The following ATP6V0A4 variants were observed in gnomAD, a reference collection of about 807,000 sequenced individuals.
ATP6V0A4 encodes V-type proton ATPase 116 kDa subunit a 4.
A neutral mutation model predicts 107.3 loss-of-function variants in ATP6V0A4; 86 were observed. That is an observed-to-expected ratio of 0.80 (90% confidence interval 0.67 to 0.96). The LOEUF is 0.96. Among genes scored for constraint, ATP6V0A4 ranks in the 40% least tolerant of loss-of-function variants. The probability of loss-of-function intolerance (pLI) is 0.00; values close to 1 mark genes in which losing one functional copy is unlikely to be tolerated. For missense variants in ATP6V0A4, 908 were observed against 1,045.6 expected (o/e 0.87, Z 1.81); for synonymous variants, 353 against 381.4 (o/e 0.93, Z 0.87).
chr7:138,747,619 A>G, intron 12 of ATP6V0A4, 55 bp from the exon 13 acceptor site: 1 of 1,599,508 alleles, frequency 6.3e-7, no homozygotes, highest in Non-Finnish European at 8.5e-7. Context: ...CGGGGCCCCC[A>G]CCTCAGATTC....
intron 2 of ATP6V0A4, among the ~76,000 whole-genome samples, chr7:138,776,702 C>T (rs1156234875): frequency 6.6e-6 from 1 of 152,166 alleles, no homozygotes; most frequent in Non-Finnish European, 1.5e-5. Context: ...GAAAAGAGTA[C>T]ACGTACCTAA....
At chr7:138,729,329 A>C (rs1489716873) in intron 17 of ATP6V0A4, among the ~76,000 whole-genome samples, 1 of 152,138 alleles carries the variant, frequency 6.6e-6, no homozygotes, top group Admixed American at 6.6e-5. Flanking sequence ...GTAATTTTAT[A>C]TTTTGAGTCC....
At chr7:138,783,706 A>G (rs4728446) in intron 2 of ATP6V0A4, among the ~76,000 whole-genome samples, 55,000 of 152,042 alleles carry the variant, frequency 0.36, 11,732 homozygotes, top group South Asian at 0.51. Context: ...AGCCAAGGTG[A>G]CAAGAGTAAG....
At chr7:138,745,658 C>CCAAAAAAAAAAAAAAAAAAAAAAAA in intron 13 of ATP6V0A4, among the ~76,000 whole-genome samples, 1 of 42,758 alleles carries the variant, frequency 2.3e-5, no homozygotes, top group Non-Finnish European at 4.3e-5. Flanking sequence ...GCCTGTGTCT[C>CCAAAAAAAAAAAAAAAAAAAAAAAA]AAAAAAAAAA....
chr7:138,751,336 G>A (rs565916133), intron 11 of ATP6V0A4, among the ~76,000 whole-genome samples: 8 of 152,140 alleles, frequency 5.3e-5, no homozygotes, highest in African/African-American at 1.4e-4. Flanking sequence ...CATGGCGTGC[G>A]GTGTCCTTCT....
At chr7:138,730,482 G>A (rs1473390) in intron 17 of ATP6V0A4, among the ~76,000 whole-genome samples, 20,139 of 151,700 alleles carry the variant, frequency 0.13, 1,736 homozygotes, top group East Asian at 0.31. Context: ...CCGAAATGAG[G>A]TTATGAAAAC....
At chr7:138,777,162 C>G (rs1356091828) in intron 2 of ATP6V0A4, among the ~76,000 whole-genome samples, 1 of 149,984 alleles carries the variant, frequency 6.7e-6, no homozygotes, top group Non-Finnish European at 1.5e-5. Context: ...AAAAAAACAA[C>G]AAAAAAAGTA....
Position 138,774,433 on chromosome 7 carries a change from G to T in ATP6V0A4, c.-17-3169C>A, listed in dbSNP as rs544561809. 5.9e-5 allele frequency among the ~76,000 whole-genome samples: 9 copies of T among 151,650 alleles called. No homozygotes were observed. The South Asian group carries it at 1.3e-3, about 21-fold the overall frequency. On this transcript the variant is annotated intron_variant, in intron 2 of 21. Coordinates refer to ENST00000310018, the MANE Select transcript of ATP6V0A4 (RefSeq NM_020632.3). ...GTCTCTACTAAAAATACGAAAAAAT[G>T]AGCAGAGTGTGGTGGCGGGTGCCTG... is the stretch of plus-strand genomic sequence containing the variant.
At chr7:138,709,819 G>A (rs747795808) in intron 20 of ATP6V0A4, 24 bp from the exon 21 acceptor site, 1 of 1,611,440 alleles carries the variant, frequency 6.2e-7, no homozygotes. Flanking sequence ...GAAACCACTG[G>A]GATTATCTTG....
At chr7:138,740,407 T>C (rs1181088249) in intron 14 of ATP6V0A4, among the ~76,000 whole-genome samples, 1 of 151,372 alleles carries the variant, frequency 6.6e-6, no homozygotes, top group Non-Finnish European at 1.5e-5. Flanking sequence ...AGAATGGATG[T>C]CAATGGGAAG....
intron 1 of ATP6V0A4, among the ~76,000 whole-genome samples, chr7:138,790,014 G>A (rs1414181373): frequency 6.8e-6 from 1 of 147,188 alleles, no homozygotes; most frequent in African/African-American, 2.5e-5. Flanking sequence ...TTTATTTCTT[G>A]ATCATAAAAA....
intron 14 of ATP6V0A4, 81 bp from the exon 15 acceptor site, chr7:138,739,714 T>C: frequency 6.4e-7 from 1 of 1,572,098 alleles, no homozygotes; most frequent in Non-Finnish European, 8.6e-7. Context: ...GTCACGAACT[T>C]GCCCATCAAA....
intron 1 of ATP6V0A4, among the ~76,000 whole-genome samples, chr7:138,789,149 A>G (rs560907117): frequency 1.3e-5 from 2 of 151,668 alleles, no homozygotes; most frequent in South Asian, 2.1e-4. Flanking sequence ...GACCACGAGC[A>G]CTCCAAGAGC....
intron 17 of ATP6V0A4, 44 bp from the exon 18 acceptor site, chr7:138,728,906 G>GAAC: frequency 1.2e-6 from 2 of 1,613,322 alleles, no homozygotes; most frequent in Non-Finnish European, 1.7e-6. Flanking sequence ...TCACATGGCA[G>GAAC]AACAGCACAC....
chr7:138,791,020 G>A (rs1170570298), intron 1 of ATP6V0A4, among the ~76,000 whole-genome samples: 2 of 152,056 alleles, frequency 1.3e-5, no homozygotes, highest in East Asian at 3.9e-4. Flanking sequence ...AGAAATAATA[G>A]ACAATGGAAA....
chr7:138,754,083 G>A (rs1302930752), intron 10 of ATP6V0A4, among the ~76,000 whole-genome samples: 1 of 152,124 alleles, frequency 6.6e-6, no homozygotes, highest in Non-Finnish European at 1.5e-5. Context: ...AGAATTGGGG[G>A]GAAAGGACTT....
intron 1 of ATP6V0A4, among the ~76,000 whole-genome samples, chr7:138,787,621 C>A (rs1808229650): frequency 6.6e-6 from 1 of 151,936 alleles, no homozygotes; most frequent in African/African-American, 2.4e-5. Flanking sequence ...CTGCGAATAG[C>A]CACTGTACTC....
rs897139675 is a variant in ATP6V0A4 at position 138,773,179 on chromosome 7, G to A, written c.-17-1915C>T. ...ACACAGGACCAACTCTAAAGTCCTC[G>A]AGCTGGCCAGCCGAAGGCTGCAGGA... On this transcript the variant is annotated intron_variant, in intron 2 of 21. Coordinates refer to ENST00000310018, the MANE Select transcript of ATP6V0A4 (RefSeq NM_020632.3). This position sits in a 1 kb window ranked among gnomAD's most constrained non-coding sequence, Gnocchi z 5.4. 6.6e-5 allele frequency among the ~76,000 whole-genome samples: 10 copies of A among 152,102 alleles called. No individual in the cohort carries two copies. Among genetic ancestry groups the A allele is most frequent in the Admixed American group, 1.3e-4 (2 of 15,268 alleles).
chr7:138,752,986 C>A, intron 10 of ATP6V0A4, 149 bp from the exon 11 acceptor site: 1 of 1,443,696 alleles, frequency 6.9e-7, no homozygotes, highest in South Asian at 1.3e-5. Flanking sequence ...TTGAACTCTC[C>A]TGAGCAGTTT....
Sources: allele counts gnomAD v4.1 joint callset (sites outside exome capture counted in the v4.1 genomes callset), GRCh38; gene constraint gnomAD v4.1.1; non-coding constraint Gnocchi (gnomAD v3.1); transcripts MANE v1.5; gene names NCBI Gene and HGNC (gene_info 2026-07-23, HGNC 2026-07-21).